CSGALNACT1: variants seen among roughly 807,000 people sequenced by gnomAD.
The protein encoded by CSGALNACT1 is chondroitin sulfate N-acetylgalactosaminyltransferase 1.
CSGALNACT1 carries 52 observed loss-of-function variants against 51.0 expected under a neutral mutation model. The observed-to-expected ratio is 1.02, with a 90% confidence interval of 0.82 to 1.29. The LOEUF (loss-of-function observed/expected upper bound fraction) is 1.29, where lower values mean the gene tolerates loss of function less well. Ranked by LOEUF, CSGALNACT1 falls within the 50% of genes most tolerant of loss-of-function variation. The pLI is 0.00. For synonymous variants in CSGALNACT1, 341 were observed against 254.4 expected (o/e 1.34, Z -3.24); for missense variants, 935 against 679.2 (o/e 1.38, Z -4.19).
At chr8:19,484,214 G>A (rs1196169277) in intron 4 of CSGALNACT1, among the ~76,000 whole-genome samples, 1 of 114,210 alleles carries the variant, frequency 8.8e-6, no homozygotes, top group East Asian at 1.9e-4. Context: ...ATACACCAAA[G>A]AGAAGCCATA....
chr8:19,535,851 C>T (rs1056406237), intron 3 of CSGALNACT1, among the ~76,000 whole-genome samples: 1 of 152,102 alleles, frequency 6.6e-6, no homozygotes, highest in African/African-American at 2.4e-5. Context: ...GGAATATCTA[C>T]AATAAACCTA....
intron 3 of CSGALNACT1, among the ~76,000 whole-genome samples, chr8:19,577,667 T>C (rs536339140): frequency 1.3e-5 from 2 of 151,490 alleles, no homozygotes; most frequent in African/African-American, 2.4e-5. Context: ...ACAACGAAAA[T>C]ATAAGGGCAA....
intron 5 of CSGALNACT1, among the ~76,000 whole-genome samples, chr8:19,448,600 G>T (rs1320422105): frequency 3.9e-5 from 6 of 152,080 alleles, no homozygotes; most frequent in Admixed American, 3.9e-4. Context: ...ATTTCCACTG[G>T]GTGCCAGGGA....
At chr8:19,592,222 T>A (rs1448163139) in intron 2 of CSGALNACT1, among the ~76,000 whole-genome samples, 1 of 152,168 alleles carries the variant, frequency 6.6e-6, no homozygotes, top group Non-Finnish European at 1.5e-5. Context: ...TTAAGTCAAT[T>A]TACAAAACCA....
At chr8:19,603,087 C>CACACACACAG (rs1554755248), upstream of CSGALNACT1, among the ~76,000 whole-genome samples, 2 of 121,374 alleles carry the variant, frequency 1.6e-5, no homozygotes, top group African/African-American at 5.9e-5. Context: ...CACACACACA[C>CACACACACAG]AGAATTGCTC....
chr8:19,586,431 AAGAACTT>A (rs1260660126), intron 3 of CSGALNACT1, among the ~76,000 whole-genome samples: 5 of 151,938 alleles, frequency 3.3e-5, no homozygotes, highest in Non-Finnish European at 2.9e-5. Context: ...AAAGAAGAAG[AAGAACTT>A]AGACAACTCT....
At chr8:19,441,550 C>T (rs80127747) in intron 5 of CSGALNACT1, among the ~76,000 whole-genome samples, 69,973 of 151,964 alleles carry the variant, frequency 0.46, 17,566 homozygotes, top group East Asian at 0.84. Context: ...CTTCCTTACA[C>T]CTTATACAAA....
intron 4 of CSGALNACT1, among the ~76,000 whole-genome samples, chr8:19,467,755 C>G (rs2067056559): frequency 6.6e-6 from 1 of 152,088 alleles, no homozygotes; most frequent in African/African-American, 2.4e-5. Flanking sequence ...GAGGCCAAGG[C>G]AGGTGGATCA....
intron 1 of CSGALNACT1, among the ~76,000 whole-genome samples, chr8:19,644,050 A>T (rs1398787119): frequency 6.6e-6 from 1 of 152,140 alleles, no homozygotes; most frequent in Non-Finnish European, 1.5e-5. Context: ...CTAACATTGG[A>T]GAATGCTAAG....
chr8:19,658,990 A>C (rs1447697385), intron 1 of CSGALNACT1, among the ~76,000 whole-genome samples: 1 of 152,188 alleles, frequency 6.6e-6, no homozygotes, highest in Non-Finnish European at 1.5e-5. Context: ...AACCAGCTTC[A>C]TAAATGTTTT....
intron 1 of CSGALNACT1, among the ~76,000 whole-genome samples, chr8:19,642,907 A>C (rs1015469013): frequency 6.6e-6 from 1 of 152,164 alleles, no homozygotes; most frequent in Admixed American, 6.5e-5. Context: ...ATTTTTCTCC[A>C]TTTCAAAATA....
At chr8:19,459,024 G>C (rs1159102828) in intron 4 of CSGALNACT1, among the ~76,000 whole-genome samples, 1 of 152,042 alleles carries the variant, frequency 6.6e-6, no homozygotes, top group Non-Finnish European at 1.5e-5. Flanking sequence ...CCTGCAATAT[G>C]ATTTGAAGAA....
chr8:19,514,970 C>A (rs575501484), intron 3 of CSGALNACT1, among the ~76,000 whole-genome samples: 92 of 152,296 alleles, frequency 6.0e-4, no homozygotes, highest in African/African-American at 2.0e-3. Context: ...CTGGAGCCCA[C>A]AGATACCTAG....
intron 2 of CSGALNACT1, among the ~76,000 whole-genome samples, chr8:19,598,671 T>G (rs1375012209): frequency 6.6e-6 from 1 of 152,142 alleles, no homozygotes; most frequent in East Asian, 1.9e-4. Context: ...CTACAAACAG[T>G]TTTTACCCCC....
At chr8:19,615,502 G>A (rs2052877998) in intron 1 of CSGALNACT1, among the ~76,000 whole-genome samples, 1 of 152,122 alleles carries the variant, frequency 6.6e-6, no homozygotes, top group Admixed American at 6.5e-5. Context: ...AACAGAATAG[G>A]TACCAGATGT....
intron 1 of CSGALNACT1, among the ~76,000 whole-genome samples, chr8:19,658,285 T>C (rs1381496382): frequency 1.3e-5 from 2 of 152,134 alleles, no homozygotes; most frequent in African/African-American, 2.4e-5. Context: ...AGCACCTTGA[T>C]CTTGGACTTC....
At chr8:19,438,555 T>C (rs996242332) in intron 6 of CSGALNACT1, among the ~76,000 whole-genome samples, 2 of 152,216 alleles carry the variant, frequency 1.3e-5, no homozygotes, top group African/African-American at 4.8e-5. Flanking sequence ...AAGCACTCAT[T>C]ATTGCTTTAG....
At chr8:19,437,895 T>C (rs1428010200) in intron 6 of CSGALNACT1, among the ~76,000 whole-genome samples, 1 of 152,214 alleles carries the variant, frequency 6.6e-6, no homozygotes, top group African/African-American at 2.4e-5. Context: ...TTCTATGCAT[T>C]CTTTCCTCAG....
At chr8:19,650,594 G>A (rs1342494258) in intron 1 of CSGALNACT1, among the ~76,000 whole-genome samples, 2 of 152,158 alleles carry the variant, frequency 1.3e-5, no homozygotes, top group Non-Finnish European at 2.9e-5. Context: ...CGTGGTCCTG[G>A]TTCCCAAGAC....
Sources: allele counts gnomAD v4.1 joint callset (sites outside exome capture counted in the v4.1 genomes callset), GRCh38; gene constraint gnomAD v4.1.1; transcripts MANE v1.5; gene names NCBI Gene and HGNC (gene_info 2026-07-23, HGNC 2026-07-21).